The following ARHGAP17 variants were observed in gnomAD, a reference collection of about 807,000 sequenced individuals.
The protein encoded by ARHGAP17 is Rho GTPase activating protein 17.
In ARHGAP17, 57 loss-of-function variants were observed where a neutral mutation model predicts 99.5. The observed-to-expected ratio is 0.57, with a 90% CI of 0.46 to 0.71. ARHGAP17 has a LOEUF of 0.71. Ranked by LOEUF, ARHGAP17 falls within the 30% of genes least tolerant of loss-of-function variation. The pLI is 0.00. For synonymous variants in ARHGAP17, 417 were observed against 429.6 expected (o/e 0.97, Z 0.36); for missense variants, 1,000 against 1,122.4 (o/e 0.89, Z 1.56).
intron 19 of ARHGAP17, among the ~76,000 whole-genome samples, chr16:24,924,168 A>C (rs1009376768): frequency 3.3e-5 from 5 of 152,140 alleles, no homozygotes; most frequent in African/African-American, 9.7e-5. Context: ...GCCTTCCTTC[A>C]CCAGTGAACG....
intron 18 of ARHGAP17, among the ~76,000 whole-genome samples, chr16:24,934,936 GCA>G (rs1170249309): frequency 6.6e-6 from 1 of 152,216 alleles, no homozygotes; most frequent in East Asian, 1.9e-4. Context: ...CCCCACCAAA[GCA>G]CAGAGAACCC....
chr16:24,941,783 G>T, intron 16 of ARHGAP17: 1 of 644,484 alleles, frequency 1.6e-6, no homozygotes, highest in Non-Finnish European at 2.6e-6. Flanking sequence ...TGGAAGAAAC[G>T]TTAACTGAGA....
Position 24,968,992 on chromosome 16 carries a change from T to G in ARHGAP17, c.273-220A>C, listed in dbSNP as rs116077036. Reference sequence around the variant, plus strand: ...GTCTCAGGGATGCACTTTGTGTGTGTGGGTGGCAGACAGATGTGTGAACAG... The same window carrying G: ...GTCTCAGGGATGCACTTTGTGTGTGGGGGTGGCAGACAGATGTGTGAACAG... On this transcript the variant is annotated intron_variant, in intron 4 of 19. Transcript: ENST00000289968. Among the ~76,000 whole-genome samples the G allele has an allele frequency of 4.5e-3, 687 of 152,344 alleles. 6 individuals are homozygous for G. Among genetic ancestry groups the G allele is most frequent in the African/African-American group, 0.016 (650 of 41,580 alleles).
At chr16:24,928,248 A>G (rs952285144) in intron 19 of ARHGAP17, among the ~76,000 whole-genome samples, 2 of 152,226 alleles carry the variant, frequency 1.3e-5, no homozygotes, top group Non-Finnish European at 1.5e-5. Context: ...GTGGGAGGCC[A>G]GGGGATTTTA....
intron 1 of ARHGAP17, among the ~76,000 whole-genome samples, chr16:24,980,155 C>T (rs1462437826): frequency 2.0e-5 from 3 of 152,186 alleles, no homozygotes; most frequent in Non-Finnish European, 4.4e-5. Context: ...GCAGGAAAAG[C>T]TCTTGGGCCA....
chr16:24,970,857 T>C (rs1264566110), intron 3 of ARHGAP17, among the ~76,000 whole-genome samples: 3 of 152,116 alleles, frequency 2.0e-5, no homozygotes, highest in East Asian at 3.9e-4. Flanking sequence ...TTGCTGTTGT[T>C]GTTGTTCTGC....
chr16:24,959,299 C>A (rs2051910857), intron 9 of ARHGAP17, among the ~76,000 whole-genome samples: 1 of 152,130 alleles, frequency 6.6e-6, no homozygotes, highest in South Asian at 2.1e-4. Flanking sequence ...AGAATGGATG[C>A]TCTTGGAGTC....
At chr16:24,964,172 T>A (rs2052100505) in intron 7 of ARHGAP17, 25 bp downstream of exon 7, 1 of 1,481,930 alleles carries the variant, frequency 6.7e-7, no homozygotes, top group East Asian at 2.4e-5. Context: ...ACCGAAAAGA[T>A]ACATTTATCA....
At chr16:24,992,879 T>A (rs1159440940) in intron 1 of ARHGAP17, among the ~76,000 whole-genome samples, 1 of 152,160 alleles carries the variant, frequency 6.6e-6, no homozygotes, top group African/African-American at 2.4e-5. Context: ...TAACTTATTT[T>A]AGCCTCCAAC....
intron 19 of ARHGAP17, among the ~76,000 whole-genome samples, chr16:24,926,450 T>G (rs1349861227): frequency 6.6e-6 from 1 of 152,078 alleles, no homozygotes; most frequent in Non-Finnish European, 1.5e-5. Flanking sequence ...TCAGTAGAGA[T>G]GGGGTTTCCC....
intron 6 of ARHGAP17, among the ~76,000 whole-genome samples, chr16:24,967,757 C>G (rs912071181): frequency 8.1e-6 from 1 of 123,824 alleles, no homozygotes; most frequent in South Asian, 2.5e-4. Flanking sequence ...CAGCCTGGTA[C>G]AGCAGAGCAA....
chr16:24,937,030 G>A (rs528068358), intron 17 of ARHGAP17, among the ~76,000 whole-genome samples: 6 of 151,458 alleles, frequency 4.0e-5, no homozygotes, highest in African/African-American at 1.2e-4. Flanking sequence ...TGGGAAGATC[G>A]CTTGAGCCTG....
intron 6 of ARHGAP17, among the ~76,000 whole-genome samples, chr16:24,965,159 G>A (rs951686125): frequency 6.6e-6 from 1 of 151,066 alleles, no homozygotes; most frequent in Non-Finnish European, 1.5e-5. Flanking sequence ...AAACATAGAT[G>A]TTATAAAATG....
chr16:24,994,047 A>C (rs911221438), intron 1 of ARHGAP17, among the ~76,000 whole-genome samples: 16 of 152,208 alleles, frequency 1.1e-4, no homozygotes, highest in African/African-American at 3.9e-4. Context: ...GCTCCTCTGG[A>C]ATTCTACAAT....
Position 24,954,586 on chromosome 16 carries a change from C to T in ARHGAP17, c.852+17G>A. ...GGCATGGAGACTTGGTGCACAGGATCACGAAGCTCCCCTCACCTCCTCCTT... is the reference window on the plus strand; with the variant it reads ...GGCATGGAGACTTGGTGCACAGGATTACGAAGCTCCCCTCACCTCCTCCTT... On this transcript the variant is annotated intron_variant, in intron 10 of 19. Coordinates refer to ENST00000289968, the MANE Select transcript of ARHGAP17 (RefSeq NM_001006634.3). 1 of 1,607,922 alleles carries T rather than the reference C, an allele frequency of 6.2e-7. No homozygotes were observed. The highest frequency in any genetic ancestry group is 8.5e-7 in the Non-Finnish European group (1 of 1,176,906).
At position 24,955,056 on chromosome 16, in the gene ARHGAP17, C is replaced by A; in HGVS notation, c.725-326G>T. ...GCGGGTTTAGTGGGCTGCCTTGAAC[C>A]AAAAGGAAGATTTGCCAGAGCATAC... is the stretch of plus-strand genomic sequence containing the variant. On this transcript the variant is annotated intron_variant, in intron 9 of 19. Transcript: ENST00000289968. This position sits in a 1 kb window ranked among gnomAD's most constrained non-coding sequence, Gnocchi z 4.0. 4.2e-6 allele frequency: 1 copy of A among 239,706 alleles called. No homozygotes were observed. Among genetic ancestry groups the A allele is most frequent in the Non-Finnish European group, 8.0e-6 (1 of 125,406 alleles). The allele number at this position is 239,706 out of a possible 1,614,324, so 14.8% of individuals were successfully genotyped here.
rs2051598649 is a variant in ARHGAP17 at position 24,950,352 on chromosome 16, TCC to T, written c.1047-870_1047-869del. On this transcript the variant is annotated intron_variant, in intron 12 of 19. Transcript: ENST00000289968. ...GTAGGAGGCTAGCCAATAAAAGAAATCCCACAACTCTCTTCTACCTAACACTG... is the reference window on the plus strand; with the variant it reads ...GTAGGAGGCTAGCCAATAAAAGAAATCACAACTCTCTTCTACCTAACACTG... Among the ~76,000 whole-genome samples, 3 of 152,278 alleles carry T rather than the reference TCC, an allele frequency of 2.0e-5. No homozygotes were observed. In the South Asian group the frequency reaches 6.2e-4, roughly 32 times the overall value.
At chr16:24,922,865 C>T (rs1389334039) in intron 19 of ARHGAP17, among the ~76,000 whole-genome samples, 1 of 151,794 alleles carries the variant, frequency 6.6e-6, no homozygotes, top group Non-Finnish European at 1.5e-5. Flanking sequence ...TTGGTAGAGA[C>T]AAGGTTTCAC....
intron 1 of ARHGAP17, among the ~76,000 whole-genome samples, chr16:24,998,177 G>T (rs1025332254): frequency 6.6e-6 from 1 of 152,084 alleles, no homozygotes. Flanking sequence ...AGGGACGTCA[G>T]GGACAGGAAA....
Sources: allele counts gnomAD v4.1 joint callset (sites outside exome capture counted in the v4.1 genomes callset), GRCh38; gene constraint gnomAD v4.1.1; non-coding constraint Gnocchi (gnomAD v3.1); transcripts MANE v1.5; gene names NCBI Gene and HGNC (gene_info 2026-07-23, HGNC 2026-07-21).